The following RSBN1L variants were observed in gnomAD, a reference collection of about 807,000 sequenced individuals.
The protein encoded by RSBN1L is lysine-specific demethylase RSBN1L.
A neutral mutation model predicts 67.7 loss-of-function variants in RSBN1L; 30 were observed. The observed-to-expected ratio is 0.44, with a 90% CI of 0.33 to 0.60. The LOEUF (loss-of-function observed/expected upper bound fraction) is 0.60, where lower values mean the gene tolerates loss of function less well. RSBN1L is among the 20% of genes least tolerant of loss of function. The pLI, the probability that RSBN1L is intolerant of heterozygous loss-of-function variation, is 0.02. For missense variants in RSBN1L, 992 were observed against 1,031.7 expected, an observed-to-expected ratio of 0.96 and a Z score of 0.53; for synonymous variants, 433 against 387.0, an observed-to-expected ratio of 1.12 and a Z score of -1.39.
At chr7:77,775,066 T>C (rs2150434761) in intron 6 of RSBN1L, among the ~76,000 whole-genome samples, 1 of 152,284 alleles carries the variant, frequency 6.6e-6, no homozygotes, top group South Asian at 2.1e-4. Context: ...TTTGTATTAC[T>C]GTTCCTTGCA....
chr7:77,716,404 C>T (rs146274494), intron 1 of RSBN1L, among the ~76,000 whole-genome samples: 1 of 149,086 alleles, frequency 6.7e-6, no homozygotes, highest in East Asian at 2.0e-4. Flanking sequence ...TGGCTCACTG[C>T]AGCCTTGAAC....
At chr7:77,761,138 A>G (rs1335446353) in intron 3 of RSBN1L, among the ~76,000 whole-genome samples, 1 of 152,250 alleles carries the variant, frequency 6.6e-6, no homozygotes, top group Non-Finnish European at 1.5e-5. Flanking sequence ...TTATAAAAAT[A>G]TCTTCATTGC....
Position 77,779,042 on chromosome 7 carries a change from A to G in RSBN1L, c.2415A>G (p.Lys805=), listed in dbSNP as rs749656018. ...AATTTAAGATTGACATGGATTCTAA[A>G]TTTGAAAATAGCAACAAAGATTTAA... is the stretch of plus-strand genomic sequence containing the variant. ...FAEFKIDMDS[K]FENSNKDLKE... The change falls in exon 8 of 8, where the codon AAA becomes AAG. Residue 805 remains lysine (K), a synonymous_variant. Transcript: ENST00000334955. The G allele has an allele frequency of 1.2e-6, 2 of 1,614,064 alleles. No homozygotes were observed. The highest frequency in any genetic ancestry group is 1.7e-6 in the Non-Finnish European group (2 of 1,179,972).
chr7:77,768,897 G>A, intron 5 of RSBN1L, 94 bp downstream of exon 5: 6 of 1,018,770 alleles, frequency 5.9e-6, no homozygotes, highest in Non-Finnish European at 8.9e-6. Flanking sequence ...GGAATGCAAA[G>A]TTTAGAGCAT....
intron 3 of RSBN1L, among the ~76,000 whole-genome samples, chr7:77,760,546 A>G (rs867881567): frequency 6.6e-6 from 1 of 152,342 alleles, no homozygotes; most frequent in African/African-American, 2.4e-5. Context: ...CTATATACCT[A>G]AATCAAGAGG....
At chr7:77,709,088 C>T (rs767867062) in intron 1 of RSBN1L, among the ~76,000 whole-genome samples, 21 of 151,210 alleles carry the variant, frequency 1.4e-4, no homozygotes, top group Non-Finnish European at 2.9e-4. Flanking sequence ...AGATAGAACT[C>T]AAAATTAGTG....
chr7:77,721,158 A>C (rs1461691450), intron 1 of RSBN1L, among the ~76,000 whole-genome samples: 1 of 151,796 alleles, frequency 6.6e-6, no homozygotes, highest in African/African-American at 2.4e-5. Flanking sequence ...GCCTTGAGAT[A>C]ATTTTTAATT....
intron 1 of RSBN1L, among the ~76,000 whole-genome samples, chr7:77,700,205 G>T (rs905595218): frequency 1.3e-5 from 2 of 152,144 alleles, no homozygotes; most frequent in Admixed American, 6.6e-5. Flanking sequence ...TGTAGAATTG[G>T]TAAGTGTGGA....
chr7:77,750,894 A>G (rs1791548567), intron 3 of RSBN1L, among the ~76,000 whole-genome samples: 1 of 152,232 alleles, frequency 6.6e-6, no homozygotes, highest in Non-Finnish European at 1.5e-5. Flanking sequence ...ATAAGTAAAC[A>G]GACGTAGAGA....
In RSBN1L at chr7:77,749,762, C is replaced by G; in HGVS notation, c.1042C>G (p.Leu348Val). The stretch of plus-strand genomic sequence containing the variant: ...GTTGGACACTTTGGAATTTAAACAA[C>G]TCATTCATATAGAGCACCAGCCTAA... ...KRLDTLEFKQ[L>V]IHIEHQPNGG... Residue 348 changes from leucine (L) to valine (V), a missense_variant, in exon 3 of 8, where the codon CTC becomes GTC. Leu to Val is a conservative substitution (Grantham distance 32, BLOSUM62 1). This residue lies in a region of RSBN1L where 575 missense variants were observed against 483.2 expected (regional missense o/e 1.19). Transcript: ENST00000334955. 3 of 1,614,174 alleles carry G rather than the reference C, an allele frequency of 1.9e-6. No individual in the cohort carries two copies. Among genetic ancestry groups the G allele is most frequent in the Non-Finnish European group, 2.5e-6 (3 of 1,180,008 alleles).
rs1367177760 is a variant in RSBN1L at position 77,781,858 on chromosome 7, G to T, written c.*2690G>T. The T allele has an allele frequency of 6.6e-6, 1 of 151,280 alleles. No individual in the cohort carries two copies. The allele number at this position is 151,280 out of a possible 1,614,324, so 9.4% of individuals were successfully genotyped here. A position where few individuals can be genotyped will look rare whatever the true frequency, so the allele number is the denominator to read the frequency against. The stretch of plus-strand genomic sequence containing the variant: ...AAATTAGTTGGGCGTGGTGGCGTGC[G>T]CCTGTAATCCCAGCTACTTGGGAGG... On this transcript the variant is annotated 3_prime_UTR_variant, in exon 8 of 8. Transcript: ENST00000334955.
At chr7:77,757,740 C>T (rs1025340884) in intron 3 of RSBN1L, among the ~76,000 whole-genome samples, 1 of 152,200 alleles carries the variant, frequency 6.6e-6, no homozygotes, top group Admixed American at 6.5e-5. Context: ...TGTATGTTAG[C>T]TGGGTTGATG....
At chr7:77,761,412 A>T (rs564525360) in intron 3 of RSBN1L, among the ~76,000 whole-genome samples, 2 of 152,302 alleles carry the variant, frequency 1.3e-5, no homozygotes, top group South Asian at 4.1e-4. Flanking sequence ...TTTAATCCTT[A>T]TCTGTTACCT....
intron 3 of RSBN1L, among the ~76,000 whole-genome samples, chr7:77,764,631 CTT>C (rs1229065715): frequency 1.4e-5 from 2 of 145,250 alleles, no homozygotes; most frequent in African/African-American, 2.5e-5. Flanking sequence ...TTCTTTCTTT[CTT>C]TTTTTTTTTT....
chr7:77,732,533 T>C (rs897380296), intron 1 of RSBN1L, among the ~76,000 whole-genome samples: 50 of 152,186 alleles, frequency 3.3e-4, no homozygotes, highest in Non-Finnish European at 7.4e-5. Context: ...GGGGTTTCAC[T>C]GTGTTGGCCA....
intron 1 of RSBN1L, among the ~76,000 whole-genome samples, chr7:77,713,213 T>C (rs1790998328): frequency 6.6e-6 from 1 of 152,184 alleles, no homozygotes. Flanking sequence ...CCCTTTACTG[T>C]TGCAATTTTT....
rs116904596 is a variant in RSBN1L at position 77,770,600 on chromosome 7, G to T, written c.1625+1797G>T. 6.5e-3 allele frequency among the ~76,000 whole-genome samples: 986 copies of T among 152,060 alleles called. 5 individuals carry two copies. Among genetic ancestry groups the T allele is most frequent in the Middle Eastern group, 0.037 (11 of 294 alleles). The stretch of plus-strand genomic sequence containing the variant: ...CGGAAGGCTGAGTCAAGGGCTGCTT[G>T]AGCCCAGGAGTTTGAGGCTGCAGTA... On this transcript the variant is annotated intron_variant, in intron 5 of 7. Transcript: ENST00000334955.
At chr7:77,768,098 G>A (rs1286245154) in intron 4 of RSBN1L, among the ~76,000 whole-genome samples, 2 of 150,824 alleles carry the variant, frequency 1.3e-5, no homozygotes, top group African/African-American at 2.4e-5. Flanking sequence ...CTTGTGATCC[G>A]CCCGCCTCGG....
intron 1 of RSBN1L, among the ~76,000 whole-genome samples, chr7:77,705,329 A>G (rs1186736377): frequency 6.6e-6 from 1 of 152,090 alleles, no homozygotes; most frequent in Non-Finnish European, 1.5e-5. Flanking sequence ...TTTCATGTAA[A>G]TTGAAAGTTA....
Sources: allele counts gnomAD v4.1 joint callset (sites outside exome capture counted in the v4.1 genomes callset), GRCh38; gene constraint gnomAD v4.1.1; regional missense constraint gnomAD v4.1.1; transcripts MANE v1.5; gene names NCBI Gene and HGNC (gene_info 2026-07-23, HGNC 2026-07-21).